The following LMLN variants were observed in gnomAD, a reference collection of about 807,000 sequenced individuals.
LMLN encodes the protein leishmanolysin-like peptidase.
Under a neutral mutation model 92.3 loss-of-function variants are expected in LMLN, and 70 were observed. That is an observed-to-expected ratio of 0.76 (90% CI 0.63 to 0.92). LMLN has a LOEUF of 0.92. LMLN is among the 40% of genes least tolerant of loss of function. LMLN has a pLI of 0.00. For synonymous variants in LMLN, 308 were observed against 296.2 expected (o/e 1.04, Z -0.41); for missense variants, 691 against 814.6 (o/e 0.85, Z 1.85).
exon 4 of LMLN, chr3:197,976,076 G>T (rs1434910759): frequency 6.2e-7 from 1 of 1,607,716 alleles, no homozygotes; most frequent in East Asian, 2.2e-5. Context: ...AGACTTTTCA[G>T]GTCCGTCGAC....
At chr3:198,006,582 A>G (rs1288664811) in intron 11 of LMLN, among the ~76,000 whole-genome samples, 1 of 152,128 alleles carries the variant, frequency 6.6e-6, no homozygotes, top group Non-Finnish European at 1.5e-5. Flanking sequence ...TTTTTGTTTA[A>G]TCGATTCTGA....
intron 5 of LMLN, 86 bp from the exon 6 acceptor site, chr3:197,980,240 A>G: frequency 6.3e-6 from 7 of 1,115,174 alleles, no homozygotes; most frequent in South Asian, 2.9e-5. Context: ...TACTGTGTTT[A>G]TAGTGTAGAT....
intron 9 of LMLN, among the ~76,000 whole-genome samples, chr3:197,995,668 A>T (rs1721998095): frequency 6.6e-6 from 1 of 152,052 alleles, no homozygotes; most frequent in Admixed American, 6.6e-5. Flanking sequence ...TCTATTGCAC[A>T]GTGTGGTGAA....
At chr3:197,978,088 A>C (rs1029772135) in intron 5 of LMLN, among the ~76,000 whole-genome samples, 1 of 151,996 alleles carries the variant, frequency 6.6e-6, no homozygotes, top group Non-Finnish European at 1.5e-5. Context: ...AACAATCTGG[A>C]AGCACACACA....
intron 5 of LMLN, among the ~76,000 whole-genome samples, chr3:197,980,045 T>C (rs1721512666): frequency 1.3e-5 from 2 of 152,218 alleles, no homozygotes; most frequent in South Asian, 4.1e-4. Context: ...TTTCTGTCTT[T>C]TCAGCGTCCT....
chr3:198,021,320 G>A, intron 12 of LMLN, 126 bp from the exon 14 acceptor site: 2 of 750,944 alleles, frequency 2.7e-6, no homozygotes, highest in Non-Finnish European at 4.4e-6. Context: ...TGCCATTGAT[G>A]AAGAAAGGTA....
At chr3:197,978,880 C>G (rs904283945) in intron 5 of LMLN, among the ~76,000 whole-genome samples, 3 of 151,978 alleles carry the variant, frequency 2.0e-5, no homozygotes, top group African/African-American at 7.3e-5. Flanking sequence ...AGACCCAGTT[C>G]CTCAGGAGGC....
At chr3:198,008,365 A>G (rs571583313) in intron 11 of LMLN, among the ~76,000 whole-genome samples, 2 of 152,356 alleles carry the variant, frequency 1.3e-5, no homozygotes, top group East Asian at 3.9e-4. Flanking sequence ...TATGAAATAC[A>G]TAATAATTAT....
At chr3:197,999,223 T>C in intron 10 of LMLN, 43 bp from the exon 11 acceptor site, 1 of 1,353,966 alleles carries the variant, frequency 7.4e-7, no homozygotes, top group South Asian at 1.2e-5. Flanking sequence ...TATTAGGAGT[T>C]GCAGAGAATC....
intron 11 of LMLN, among the ~76,000 whole-genome samples, chr3:198,000,674 C>T (rs1314466663): frequency 6.6e-6 from 1 of 151,558 alleles, no homozygotes; most frequent in Non-Finnish European, 1.5e-5. Flanking sequence ...GTGGTCTGCC[C>T]ACCTCGGCCT....
intron 13 of LMLN, among the ~76,000 whole-genome samples, chr3:198,023,261 C>T (rs1160763141): frequency 6.6e-6 from 1 of 152,076 alleles, no homozygotes; most frequent in Non-Finnish European, 1.5e-5. Flanking sequence ...ACCATCATAG[C>T]TCACTGTAAC....
At chr3:198,033,129 A>T (rs939432994) in intron 14 of LMLN, among the ~76,000 whole-genome samples, 1 of 152,246 alleles carries the variant, frequency 6.6e-6, no homozygotes, top group South Asian at 2.1e-4. Context: ...GAATACTTCA[A>T]CTTCAGCAAG....
chr3:197,970,022 GGT>G (rs371277255), intron 1 of LMLN, among the ~76,000 whole-genome samples: 1,855 of 152,034 alleles, frequency 0.012, 16 homozygotes, highest in Non-Finnish European at 0.017. Flanking sequence ...CATGGTGGCA[GGT>G]GTCTGTAATC....
intron 11 of LMLN, among the ~76,000 whole-genome samples, chr3:198,001,451 T>G (rs1722170625): frequency 6.6e-6 from 1 of 152,186 alleles, no homozygotes; most frequent in Non-Finnish European, 1.5e-5. Context: ...GACATGTACC[T>G]TCACAAAGGA....
chr3:198,010,069 GT>G (rs1184452084), intron 11 of LMLN, among the ~76,000 whole-genome samples: 1 of 151,860 alleles, frequency 6.6e-6, no homozygotes, highest in Admixed American at 6.6e-5. Flanking sequence ...GTCTTCTATT[GT>G]TTTTTTGTTT....
chr3:198,008,496 C>T (rs1407614818), intron 11 of LMLN, among the ~76,000 whole-genome samples: 2 of 152,186 alleles, frequency 1.3e-5, no homozygotes, highest in Non-Finnish European at 2.9e-5. Flanking sequence ...GAGGCTGAGG[C>T]AGGCTGATTG....
chr3:198,042,724 T>C lies in LMLN; in HGVS notation c.*4057T>C, dbSNP rs1408934199. 6.6e-6 allele frequency: 1 copy of C among 152,206 alleles called. No homozygotes were observed. Among genetic ancestry groups the C allele is most frequent in the Non-Finnish European group, 1.5e-5 (1 of 68,034 alleles). The allele number at this position is 152,206 out of a possible 1,614,324, so 9.4% of individuals were successfully genotyped here. On this transcript the variant is annotated 3_prime_UTR_variant, in exon 16 of 16. Transcript: ENST00000330198. The surrounding 1 kb of genome is among the most constrained non-coding windows in gnomAD (Gnocchi z 4.2). ...GGTTTTCTGTTCAGACTTAGGCTCATTTTGATCATTTTAAGGTCCCAGTTG... is the reference window on the plus strand; with the variant it reads ...GGTTTTCTGTTCAGACTTAGGCTCACTTTGATCATTTTAAGGTCCCAGTTG...
intron 1 of LMLN, among the ~76,000 whole-genome samples, chr3:197,964,406 G>GTTTTTTT (rs71225232): frequency 4.4e-5 from 6 of 135,992 alleles, no homozygotes; most frequent in Admixed American, 1.5e-4. Flanking sequence ...TTTGTTTTTT[G>GTTTTTTT]TTTTTTTTTT....
intron 14 of LMLN, among the ~76,000 whole-genome samples, chr3:198,026,784 T>TCAA (rs1722944984): frequency 6.6e-6 from 1 of 152,086 alleles, no homozygotes; most frequent in Non-Finnish European, 1.5e-5. Context: ...GAGTGTTTGG[T>TCAA]GTTAGAGACT....
Sources: gnomAD v4.1 joint callset for allele counts (sites outside exome capture counted in the v4.1 genomes callset) on GRCh38, gnomAD v4.1.1 for gene constraint, Gnocchi (gnomAD v3.1) non-coding constraint, MANE v1.5 for transcripts, NCBI Gene and HGNC (gene_info 2026-07-23, HGNC 2026-07-21) for gene names.